RBMS3: variants seen among roughly 807,000 people sequenced by gnomAD.
RBMS3 encodes the protein RNA binding motif single stranded interacting protein 3.
A neutral mutation model predicts 66.8 loss-of-function variants in RBMS3; 27 were observed. The observed-to-expected ratio is 0.40, with a 90% CI of 0.30 to 0.56. The LOEUF (loss-of-function observed/expected upper bound fraction) is 0.56. RBMS3 is among the 20% of genes least tolerant of loss of function. The pLI is 0.40. For synonymous variants in RBMS3, 188 were observed against 183.0 expected (o/e 1.03, Z -0.22); for missense variants, 513 against 549.5 (o/e 0.93, Z 0.66).
chr3:29,578,170 G>A (rs1051156896), intron 3 of RBMS3, among the ~76,000 whole-genome samples: 4 of 152,098 alleles, frequency 2.6e-5, no homozygotes, highest in Non-Finnish European at 5.9e-5. Context: ...GTGAGAGCTC[G>A]AGAGTTAGTT....
At chr3:29,665,649 T>C (rs2050722604) in intron 4 of RBMS3, among the ~76,000 whole-genome samples, 1 of 152,224 alleles carries the variant, frequency 6.6e-6, no homozygotes, top group South Asian at 2.1e-4. Flanking sequence ...ATTGCCCTTT[T>C]AGGCTCTATA....
At chr3:29,353,218 A>G (rs1167109377) in intron 1 of RBMS3, among the ~76,000 whole-genome samples, 4 of 151,758 alleles carry the variant, frequency 2.6e-5, no homozygotes, top group African/African-American at 9.7e-5. Flanking sequence ...ATTATCTAGT[A>G]CCTCCAGAGC....
At chr3:29,473,349 G>C (rs948576564) in intron 2 of RBMS3, among the ~76,000 whole-genome samples, 3 of 152,250 alleles carry the variant, frequency 2.0e-5, no homozygotes, top group African/African-American at 7.2e-5. Flanking sequence ...AGAGTAGCTA[G>C]ATACAGAGTA....
chr3:29,934,369 C>T (rs1159579356), intron 10 of RBMS3, among the ~76,000 whole-genome samples: 1 of 151,546 alleles, frequency 6.6e-6, no homozygotes, highest in Admixed American at 6.6e-5. Flanking sequence ...TAATTTATCC[C>T]TAGGTGATTT....
At chr3:29,596,262 A>G (rs1310527830) in intron 4 of RBMS3, among the ~76,000 whole-genome samples, 2 of 152,210 alleles carry the variant, frequency 1.3e-5, no homozygotes, top group Non-Finnish European at 2.9e-5. Context: ...TATATAATAT[A>G]TGAATTATGC....
chr3:29,332,589 A>T (rs1438687310), intron 1 of RBMS3, among the ~76,000 whole-genome samples: 1 of 152,262 alleles, frequency 6.6e-6, no homozygotes, highest in South Asian at 2.1e-4. Flanking sequence ...AGCACCCTCA[A>T]TGTGGTGTCA....
chr3:29,802,024 T>C (rs1390310483), intron 6 of RBMS3, among the ~76,000 whole-genome samples: 1 of 152,198 alleles, frequency 6.6e-6, no homozygotes, highest in Non-Finnish European at 1.5e-5. Context: ...CCTTTGAAAC[T>C]CCCAAACTAT....
chr3:29,300,839 G>C (rs184891109), intron 1 of RBMS3, among the ~76,000 whole-genome samples: 34 of 152,086 alleles, frequency 2.2e-4, no homozygotes, highest in African/African-American at 8.2e-4. Context: ...TTGGTTAGTA[G>C]AGAGAGAAGT....
chr3:29,613,869 C>G (rs2048570709), intron 4 of RBMS3, among the ~76,000 whole-genome samples: 1 of 152,034 alleles, frequency 6.6e-6, no homozygotes, highest in African/African-American at 2.4e-5. Context: ...ACCCTGTACA[C>G]TACTGGTAGA....
At chr3:29,657,100 C>T (rs75437919) in intron 4 of RBMS3, among the ~76,000 whole-genome samples, 3,071 of 152,306 alleles carry the variant, frequency 0.02, 42 homozygotes, top group Admixed American at 0.029. Context: ...AATTCAGTCA[C>T]ATTTCCACAC....
At chr3:29,507,763 A>T (rs1438039264) in intron 3 of RBMS3, among the ~76,000 whole-genome samples, 1 of 152,126 alleles carries the variant, frequency 6.6e-6, no homozygotes, top group East Asian at 1.9e-4. Context: ...TGTATCCATG[A>T]TCTGACCACA....
chr3:29,435,953 A>G lies in RBMS3; in HGVS notation c.248+1038A>G, dbSNP rs2125727453. On this transcript the variant is annotated intron_variant, in intron 2 of 14. Transcript: ENST00000383767. ...CACGCCACTGCACTCCAGCTTGGGC[A>G]ACAGAGCGAGACTCCGTCTCAAAAA... Among the ~76,000 whole-genome samples the G allele has an allele frequency of 2.0e-5, 3 of 148,140 alleles. No homozygotes were observed. In the Middle Eastern group the frequency reaches 0.01, roughly 511 times the overall value.
intron 4 of RBMS3, among the ~76,000 whole-genome samples, chr3:29,623,015 G>T (rs2048922418): frequency 1.3e-5 from 2 of 151,364 alleles, no homozygotes; most frequent in South Asian, 2.1e-4. Flanking sequence ...TACTAGGGAG[G>T]CTGAGGAAGG....
chr3:29,427,807 A>G (rs2041019132), intron 1 of RBMS3, among the ~76,000 whole-genome samples: 1 of 152,160 alleles, frequency 6.6e-6, no homozygotes, highest in South Asian at 2.1e-4. Flanking sequence ...CAAAACCACC[A>G]GACCAACTGC....
At chr3:29,297,133 A>G (rs1255263900) in intron 1 of RBMS3, among the ~76,000 whole-genome samples, 1 of 151,684 alleles carries the variant, frequency 6.6e-6, no homozygotes. Flanking sequence ...TGATTCTACA[A>G]CTTGCTTTAA....
intron 4 of RBMS3, among the ~76,000 whole-genome samples, chr3:29,711,569 C>T (rs1428428550): frequency 6.6e-6 from 1 of 152,082 alleles, no homozygotes; most frequent in Non-Finnish European, 1.5e-5. Context: ...CCTAATCCGA[C>T]CATTTTAAAC....
intron 3 of RBMS3, among the ~76,000 whole-genome samples, chr3:29,563,812 G>C (rs2046640627): frequency 6.6e-6 from 1 of 151,964 alleles, no homozygotes. Context: ...ACCACTTGGG[G>C]CCAGGAGTTA....
chr3:29,323,177 A>G (rs1171345157), intron 1 of RBMS3, among the ~76,000 whole-genome samples: 2 of 152,192 alleles, frequency 1.3e-5, no homozygotes, highest in South Asian at 2.1e-4. Flanking sequence ...ATCAAATTTT[A>G]TGTACAGAGA....
chr3:29,599,399 A>T (rs560164154), intron 4 of RBMS3, among the ~76,000 whole-genome samples: 19 of 149,486 alleles, frequency 1.3e-4, no homozygotes, highest in Non-Finnish European at 2.1e-4. Flanking sequence ...CATAAACTTT[A>T]AAAAAAAAAG....
Sources: allele counts gnomAD v4.1 joint callset (sites outside exome capture counted in the v4.1 genomes callset), GRCh38; gene constraint gnomAD v4.1.1; transcripts MANE v1.5; gene names NCBI Gene and HGNC (gene_info 2026-07-23, HGNC 2026-07-21).